The following LRMDA variants were observed in gnomAD, a reference collection of about 807,000 sequenced individuals.
LRMDA encodes the protein leucine rich melanocyte differentiation associated.
In LRMDA, 18 loss-of-function variants were observed where a neutral mutation model predicts 29.8. That is an observed-to-expected ratio of 0.60 (90% CI 0.42 to 0.90). The LOEUF (loss-of-function observed/expected upper bound fraction) is 0.90, where lower values mean the gene tolerates loss of function less well. Among genes scored for constraint, LRMDA ranks in the 40% least tolerant of loss-of-function variants. The pLI is 0.00. For synonymous variants in LRMDA, 125 were observed against 109.4 expected, an observed-to-expected ratio of 1.14 and a Z score of -0.89; for missense variants, 273 against 273.9, an observed-to-expected ratio of 1.00 and a Z score of 0.02.
intron 5 of LRMDA, among the ~76,000 whole-genome samples, chr10:76,294,074 G>T (rs1840383040): frequency 6.6e-6 from 1 of 152,200 alleles, no homozygotes; most frequent in Non-Finnish European, 1.5e-5. Flanking sequence ...CAAGCTGGGT[G>T]TTCTGATATT....
At chr10:75,920,038 T>C (rs1432713239) in intron 2 of LRMDA, among the ~76,000 whole-genome samples, 2 of 152,108 alleles carry the variant, frequency 1.3e-5, no homozygotes, top group African/African-American at 4.8e-5. Context: ...CTTAGTCCAG[T>C]TTTTCAGTTT....
At chr10:76,020,441 C>G (rs997748265) in intron 2 of LRMDA, among the ~76,000 whole-genome samples, 2 of 152,226 alleles carry the variant, frequency 1.3e-5, no homozygotes, top group East Asian at 3.8e-4. Flanking sequence ...CCTGCACTTA[C>G]ATTTCTTGAG....
At chr10:75,709,740 C>T (rs1291384843) in intron 2 of LRMDA, among the ~76,000 whole-genome samples, 3 of 152,070 alleles carry the variant, frequency 2.0e-5, no homozygotes, top group Admixed American at 6.5e-5. Flanking sequence ...CCCTTCCACT[C>T]GGCCCTTTAA....
intron 5 of LRMDA, among the ~76,000 whole-genome samples, chr10:76,209,234 T>A (rs940517018): frequency 6.6e-6 from 1 of 152,136 alleles, no homozygotes; most frequent in Non-Finnish European, 1.5e-5. Context: ...AGAGTCACTC[T>A]CACCTAAAAA....
intron 2 of LRMDA, among the ~76,000 whole-genome samples, chr10:75,833,323 A>G (rs1487868178): frequency 6.6e-6 from 1 of 152,234 alleles, no homozygotes; most frequent in Non-Finnish European, 1.5e-5. Flanking sequence ...AGCATCTCAT[A>G]TTCTAATGTC....
intron 5 of LRMDA, among the ~76,000 whole-genome samples, chr10:76,248,489 C>T (rs1045266379): frequency 6.6e-6 from 1 of 152,186 alleles, no homozygotes; most frequent in African/African-American, 2.4e-5. Context: ...CATCCTAAGA[C>T]ATGCCTCTTT....
chr10:76,161,113 T>A (rs772128823), intron 5 of LRMDA, among the ~76,000 whole-genome samples: 7 of 152,162 alleles, frequency 4.6e-5, no homozygotes, highest in Non-Finnish European at 5.9e-5. Context: ...AAGACAACAC[T>A]CTCCAGTCTT....
chr10:75,591,262 C>G (rs940297804), intron 2 of LRMDA, among the ~76,000 whole-genome samples: 1 of 152,138 alleles, frequency 6.6e-6, no homozygotes, highest in Non-Finnish European at 1.5e-5. Flanking sequence ...GCAAATATGG[C>G]TCAACATGTT....
chr10:76,344,613 A>G (rs1841080319), intron 6 of LRMDA, among the ~76,000 whole-genome samples: 1 of 152,196 alleles, frequency 6.6e-6, no homozygotes, highest in Admixed American at 6.5e-5. Context: ...ATAATGAGGG[A>G]AAATCAGCCC....
intron 2 of LRMDA, among the ~76,000 whole-genome samples, chr10:75,614,939 G>A (rs1841080575): frequency 6.6e-6 from 1 of 152,198 alleles, no homozygotes; most frequent in Admixed American, 6.5e-5. Flanking sequence ...GATGGAGTTA[G>A]GTGCTCACCA....
intron 2 of LRMDA, among the ~76,000 whole-genome samples, chr10:75,493,348 G>GGTGGGGGT (rs148712950): frequency 7.4e-4 from 98 of 133,270 alleles, no homozygotes; most frequent in Admixed American, 1.7e-3. Context: ...GTTGAGATTG[G>GGTGGGGGT]GTGTGTGTGT....
intron 6 of LRMDA, among the ~76,000 whole-genome samples, chr10:76,466,389 G>A (rs370480694): frequency 3.1e-4 from 47 of 152,084 alleles, no homozygotes; most frequent in Non-Finnish European, 1.8e-4. Flanking sequence ...TGTGCCCCTC[G>A]TAGGCAGGAC....
At chr10:76,223,580 C>T (rs1851889469) in intron 5 of LRMDA, among the ~76,000 whole-genome samples, 1 of 152,160 alleles carries the variant, frequency 6.6e-6, no homozygotes, top group African/African-American at 2.4e-5. Context: ...GTGGAGCCCT[C>T]ATAAATGGGA....
chr10:76,086,829 C>T (rs1849144012), intron 5 of LRMDA, among the ~76,000 whole-genome samples: 4 of 152,128 alleles, frequency 2.6e-5, no homozygotes, highest in East Asian at 1.9e-4. Context: ...AACTGCAGAC[C>T]GCTGTGTACA....
At chr10:76,177,783 T>C (rs1850968354) in intron 5 of LRMDA, among the ~76,000 whole-genome samples, 1 of 152,200 alleles carries the variant, frequency 6.6e-6, no homozygotes, top group Admixed American at 6.5e-5. Flanking sequence ...AGAACCAGCA[T>C]AGGTTGAATG....
chr10:75,760,892 G>A (rs1589190984), intron 2 of LRMDA, among the ~76,000 whole-genome samples: 1 of 152,332 alleles, frequency 6.6e-6, no homozygotes, highest in Non-Finnish European at 1.5e-5. Context: ...GAGTCACATT[G>A]TGAGCTGTGG....
intron 6 of LRMDA, among the ~76,000 whole-genome samples, chr10:76,478,682 T>G (rs1168536707): frequency 6.6e-6 from 1 of 151,836 alleles, no homozygotes; most frequent in African/African-American, 2.4e-5. Context: ...ATTAAGAAAA[T>G]GTGGCACATA....
chr10:75,653,616 G>A (rs1398124841), intron 2 of LRMDA, among the ~76,000 whole-genome samples: 1 of 152,198 alleles, frequency 6.6e-6, no homozygotes, highest in Admixed American at 6.5e-5. Context: ...CCTGTGGGTT[G>A]CCCTTGCATG....
chr10:75,592,076 A>G (rs893676125), intron 2 of LRMDA, among the ~76,000 whole-genome samples: 19 of 152,004 alleles, frequency 1.2e-4, no homozygotes, highest in Non-Finnish European at 1.3e-4. Context: ...GCAGAGGGAG[A>G]AAAAGCAACC....
Sources: gnomAD v4.1 joint callset for allele counts (sites outside exome capture counted in the v4.1 genomes callset) on GRCh38, gnomAD v4.1.1 for gene constraint, MANE v1.5 for transcripts, NCBI Gene and HGNC (gene_info 2026-07-23, HGNC 2026-07-21) for gene names.